Variants in ADGRB3 observed in about 807,000 individuals in gnomAD.
ADGRB3 encodes adhesion G protein-coupled receptor B3.
ADGRB3 carries 37 observed loss-of-function variants against 193.4 expected under a neutral mutation model. That is an observed-to-expected ratio of 0.19 (90% CI 0.15 to 0.25). The LOEUF (loss-of-function observed/expected upper bound fraction) is 0.25. Among genes scored for constraint, ADGRB3 ranks in the 10% least tolerant of loss-of-function variants. The pLI is 1.00. For synonymous variants in ADGRB3, 690 were observed against 644.2 expected (o/e 1.07, Z -1.08); for missense variants, 1,637 against 1,852.9 (o/e 0.88, Z 2.14).
At chr6:68,869,911 T>TG (rs1765409307) in intron 3 of ADGRB3, among the ~76,000 whole-genome samples, 1 of 152,106 alleles carries the variant, frequency 6.6e-6, no homozygotes, top group Non-Finnish European at 1.5e-5. Flanking sequence ...CTCCAGTAGC[T>TG]GGGATTATAG....
intron 3 of ADGRB3, among the ~76,000 whole-genome samples, chr6:68,745,864 C>A (rs1480099199): frequency 2.0e-5 from 3 of 151,960 alleles, no homozygotes; most frequent in Non-Finnish European, 2.9e-5. Flanking sequence ...ACACAGCTTT[C>A]CTTCCATGTC....
At chr6:68,931,065 A>T (rs1038604571) in intron 4 of ADGRB3, among the ~76,000 whole-genome samples, 1 of 152,120 alleles carries the variant, frequency 6.6e-6, no homozygotes, top group East Asian at 1.9e-4. Context: ...AATATATTGA[A>T]TTTTTTCAAG....
intron 3 of ADGRB3, among the ~76,000 whole-genome samples, chr6:68,639,947 T>C (rs2585605): frequency 0.4 from 60,820 of 151,972 alleles, 12,455 homozygotes; most frequent in African/African-American, 0.48. Flanking sequence ...AACTTAATAG[T>C]TTGCCTGTTT....
chr6:68,661,062 T>C (rs1768618810), intron 3 of ADGRB3, among the ~76,000 whole-genome samples: 1 of 150,460 alleles, frequency 6.6e-6, no homozygotes, highest in Admixed American at 6.7e-5. Context: ...TCAATGATTT[T>C]ATATACAAAA....
intron 17 of ADGRB3, among the ~76,000 whole-genome samples, chr6:69,146,566 A>G (rs915652398): frequency 6.6e-6 from 1 of 152,240 alleles, no homozygotes; most frequent in Non-Finnish European, 1.5e-5. Context: ...CTGGGGAACA[A>G]GAGGCTTTTG....
At chr6:69,049,180 C>G (rs1771322429) in intron 14 of ADGRB3, 91 bp from the exon 15 acceptor site, 1 of 917,696 alleles carries the variant, frequency 1.1e-6, no homozygotes, top group African/African-American at 1.7e-5. Flanking sequence ...TAAGGAAGTA[C>G]TGGAATTATC....
chr6:69,136,272 C>G (rs996786541), intron 17 of ADGRB3, among the ~76,000 whole-genome samples: 4 of 152,040 alleles, frequency 2.6e-5, no homozygotes, highest in Non-Finnish European at 5.9e-5. Context: ...GTTTATCTCT[C>G]TCATATTCTA....
chr6:69,031,440 CAAAAA>C, intron 13 of ADGRB3, among the ~76,000 whole-genome samples: 1 of 118,480 alleles, frequency 8.4e-6, no homozygotes, highest in East Asian at 2.8e-4. Context: ...GACTCCATCT[CAAAAA>C]AAAAAAAAAA....
chr6:68,893,269 G>C (rs1209526282), intron 3 of ADGRB3, among the ~76,000 whole-genome samples: 1 of 151,998 alleles, frequency 6.6e-6, no homozygotes, highest in Non-Finnish European at 1.5e-5. Context: ...AAATAAAGCA[G>C]CTGGCCTATC....
intron 3 of ADGRB3, among the ~76,000 whole-genome samples, chr6:68,811,573 ATTC>A (rs1316605750): frequency 6.6e-6 from 1 of 152,056 alleles, no homozygotes; most frequent in African/African-American, 2.4e-5. Context: ...TGTTCAAGCA[ATTC>A]TTCTACTTCA....
intron 3 of ADGRB3, among the ~76,000 whole-genome samples, chr6:68,719,288 T>C (rs555657212): frequency 3.6e-4 from 54 of 151,922 alleles, no homozygotes; most frequent in African/African-American, 1.3e-3. Flanking sequence ...TCCAGTGCAA[T>C]AGCCACTAGG....
intron 31 of ADGRB3, among the ~76,000 whole-genome samples, chr6:69,383,913 C>G (rs900511776): frequency 6.6e-6 from 1 of 151,902 alleles, no homozygotes; most frequent in Admixed American, 6.6e-5. Context: ...TTCCAGACAT[C>G]AATATTTATA....
Position 69,239,146 on chromosome 6 carries a change from A to G in ADGRB3, c.2734A>G (p.Ile912Val), listed in dbSNP as rs918427858. 3.1e-6 allele frequency: 5 copies of G among 1,602,638 alleles called. No individual in the cohort carries two copies. Among genetic ancestry groups the G allele is most frequent in the African/African-American group, 1.3e-5 (1 of 74,532 alleles). The change falls in exon 20 of 32, where the codon ATA becomes GTA. Residue 912 changes from isoleucine (I) to valine (V), a missense_variant. Ile to Val is a conservative substitution (Grantham distance 29). Transcript: ENST00000370598. ...TAGGTACATACGCTCTGAGAGATCCATAATACTAATTAACTTCTGCCTGTC... is the reference window on the plus strand; with the variant it reads ...TAGGTACATACGCTCTGAGAGATCCGTAATACTAATTAACTTCTGCCTGTC... ...LWRYIRSERSIILINFCLSII... is the reference protein window; with the variant it reads ...LWRYIRSERSVILINFCLSII...
chr6:69,180,353 T>G (rs183235050), intron 17 of ADGRB3, among the ~76,000 whole-genome samples: 1 of 152,134 alleles, frequency 6.6e-6, no homozygotes, highest in African/African-American at 2.4e-5. Context: ...CCACAATCTA[T>G]GCAAAGGAAG....
intron 13 of ADGRB3, among the ~76,000 whole-genome samples, chr6:69,040,490 G>T (rs139916028): frequency 6.6e-6 from 1 of 151,134 alleles, no homozygotes; most frequent in East Asian, 2.0e-4. Context: ...CAAGAGTTGG[G>T]TATATGGCTC....
intron 17 of ADGRB3, among the ~76,000 whole-genome samples, chr6:69,204,919 A>T (rs1330629224): frequency 6.6e-6 from 1 of 152,206 alleles, no homozygotes; most frequent in East Asian, 1.9e-4. Flanking sequence ...ACTTTATAGG[A>T]TTTTCAATTT....
Position 69,049,255 on chromosome 6 carries a change from A to G in ADGRB3, c.2258-16A>G. 1 of 1,566,284 alleles carries G rather than the reference A, an allele frequency of 6.4e-7. No homozygotes were observed. The highest frequency in any genetic ancestry group is 8.7e-7 in the Non-Finnish European group (1 of 1,143,506). On this transcript the variant is annotated splice_polypyrimidine_tract_variant and intron_variant, in intron 14 of 31. Transcript: ENST00000370598. ...TTCTTGCTGTTTGCTAATACTTCAAAATTTATTCTTTCTAGAATTAGATGA... is the reference window on the plus strand; with the variant it reads ...TTCTTGCTGTTTGCTAATACTTCAAGATTTATTCTTTCTAGAATTAGATGA...
In ADGRB3 at chr6:69,388,674, A is replaced by G. The variant is rs563644885; in HGVS notation, c.4381-29A>G. ...AGCGGTGATCCTGGTCATCACATAA[A>G]TGACTCTCTTTCCCTCTCTTCTCAA... On this transcript the variant is annotated intron_variant, in intron 31 of 31. Coordinates refer to ENST00000370598, the MANE Select transcript of ADGRB3 (RefSeq NM_001704.3). The G allele has an allele frequency of 3.6e-4, 570 of 1,593,928 alleles. 2 individuals are homozygous for G. In the South Asian group the frequency reaches 6.1e-3, roughly 17 times the overall value.
In ADGRB3 at chr6:69,153,862, A is replaced by G. The variant is rs1431220157; in HGVS notation, c.2480+77824A>G. On this transcript the variant is annotated intron_variant, in intron 17 of 31. Coordinates refer to ENST00000370598, the MANE Select transcript of ADGRB3 (RefSeq NM_001704.3). ...CAAAAAATTAGCCAGGCATGGTGGCATGTGCCTGTAGTCCCAGCTACTCGG... is the reference window on the plus strand; with the variant it reads ...CAAAAAATTAGCCAGGCATGGTGGCGTGTGCCTGTAGTCCCAGCTACTCGG... Among the ~76,000 whole-genome samples the G allele has an allele frequency of 1.5e-4, 23 of 152,150 alleles. No homozygotes were observed. In the East Asian group the frequency reaches 1.9e-3, roughly 13 times the overall value.
Sources: gnomAD v4.1 joint callset for allele counts (sites outside exome capture counted in the v4.1 genomes callset) on GRCh38, gnomAD v4.1.1 for gene constraint, MANE v1.5 for transcripts, NCBI Gene and HGNC (gene_info 2026-07-23, HGNC 2026-07-21) for gene names.